MEP1B: variants seen among roughly 807,000 people sequenced by gnomAD.
The protein encoded by MEP1B is meprin A subunit beta.
In MEP1B, 80 loss-of-function variants were observed where a neutral mutation model predicts 84.6. The observed-to-expected ratio is 0.95, with a 90% CI of 0.79 to 1.14. The LOEUF (loss-of-function observed/expected upper bound fraction) is 1.14, where lower values mean the gene tolerates loss of function less well. Among genes scored for constraint, MEP1B ranks in the 50% most tolerant of loss-of-function variants. MEP1B has a pLI of 0.00. For synonymous variants in MEP1B, 273 were observed against 288.1 expected (o/e 0.95, Z 0.53); for missense variants, 766 against 855.1 (o/e 0.90, Z 1.30).
chr18:32,190,340 A>C (rs1210598336), intron 1 of MEP1B, among the ~76,000 whole-genome samples: 1 of 152,020 alleles, frequency 6.6e-6, no homozygotes, highest in African/African-American at 2.4e-5. Flanking sequence ...ATATAAAGTT[A>C]TGTTTTCCTT....
At position 32,212,981 on chromosome 18, in the gene MEP1B, G is replaced by A. The variant is rs529774746; in HGVS notation, c.1136-135G>A. ...TAAATAATTCTAGGCTGGAGCTTTG[G>A]CAAAACCATACTTCTGACCTGTAGA... On this transcript the variant is annotated intron_variant, in intron 10 of 14. Coordinates refer to ENST00000269202, the MANE Select transcript of MEP1B (RefSeq NM_005925.3). 886 of 777,838 alleles carry A rather than the reference G, an allele frequency of 1.1e-3. 2 individuals carry two copies. The highest frequency in any genetic ancestry group is 1.6e-3 in the Non-Finnish European group (806 of 493,484). 48.2% of individuals were successfully genotyped at this position (777,838 alleles called of 1,614,324 possible).
chr18:32,192,802 C>T lies in MEP1B; in HGVS notation c.156C>T (p.Asp52=), dbSNP rs1413953549. 1 of 1,612,536 alleles carries T rather than the reference C, an allele frequency of 6.2e-7. No individual in the cohort carries two copies. The highest frequency in any genetic ancestry group is 8.5e-7 in the Non-Finnish European group (1 of 1,179,164). ...TGGGACTGGATCTTTTTGAGGGTGA[C>T]ATCAGACTTGATAGGGTGAGTTGAA... The part of the protein sequence containing the change: ...EGLGLDLFEG[D]IRLDRAQIRN... The change falls in exon 4 of 15, where the codon GAC becomes GAT. Residue 52 remains aspartate, a synonymous_variant. Coordinates refer to ENST00000269202, the MANE Select transcript of MEP1B (RefSeq NM_005925.3).
chr18:32,201,682 C>T (rs8095388), intron 5 of MEP1B, among the ~76,000 whole-genome samples: 16,220 of 151,950 alleles, frequency 0.11, 1,258 homozygotes, highest in African/African-American at 0.22. Flanking sequence ...ATTGATTATT[C>T]CTGGATGATA....
At chr18:32,194,129 T>C (rs1052705782) in intron 4 of MEP1B, among the ~76,000 whole-genome samples, 1 of 152,100 alleles carries the variant, frequency 6.6e-6, no homozygotes, top group African/African-American at 2.4e-5. Flanking sequence ...CCTTTGCTTC[T>C]CCTCTCTCCT....
At chr18:32,208,304 C>T (rs2040987763) in intron 9 of MEP1B, 33 bp downstream of exon 9, 1 of 1,560,678 alleles carries the variant, frequency 6.4e-7, no homozygotes, top group Non-Finnish European at 8.7e-7. Flanking sequence ...AGACTGTATA[C>T]TCAGTGGCTA....
At chr18:32,202,697 G>A (rs1384449402) in intron 5 of MEP1B, among the ~76,000 whole-genome samples, 196 bp from the exon 6 acceptor site, 1 of 152,132 alleles carries the variant, frequency 6.6e-6, no homozygotes, top group Non-Finnish European at 1.5e-5. Flanking sequence ...CCAAATAAGG[G>A]ATCTGAAGAA....
At chr18:32,209,818 A>AAG (rs567700552) in intron 9 of MEP1B, among the ~76,000 whole-genome samples, 22 of 150,430 alleles carry the variant, frequency 1.5e-4, no homozygotes, top group South Asian at 2.1e-4. Flanking sequence ...TAAAAAAAAA[A>AAG]GGGGGGCGGG....
Position 32,207,232 on chromosome 18 carries a change from A to G in MEP1B, c.548-20A>G. ...TGAATTTTGTGAACATCAAGTAAAG[A>G]TTTTTTATTTATCCTTTAGGCAGAG... On this transcript the variant is annotated intron_variant, in intron 7 of 14. Coordinates refer to ENST00000269202, the MANE Select transcript of MEP1B (RefSeq NM_005925.3). The G allele has an allele frequency of 6.5e-7, 1 of 1,527,842 alleles. No homozygotes were observed. Among genetic ancestry groups the G allele is most frequent in the South Asian group, 1.2e-5 (1 of 86,868 alleles). 94.6% of individuals were successfully genotyped at this position (1,527,842 alleles called of 1,614,324 possible). A position where few individuals can be genotyped will look rare whatever the true frequency, so the allele number is the denominator to read the frequency against.
chr18:32,212,657 A>G lies in MEP1B; in HGVS notation c.1136-459A>G, dbSNP rs1233728030. Reference sequence around the variant, plus strand: ...TTGGTGGATTTTGTTTAATATTACCAAAAAGTTGATTGAAGACTTTGTATG... The same window carrying G: ...TTGGTGGATTTTGTTTAATATTACCGAAAAGTTGATTGAAGACTTTGTATG... On this transcript the variant is annotated intron_variant, in intron 10 of 14. Coordinates refer to ENST00000269202, the MANE Select transcript of MEP1B (RefSeq NM_005925.3). 2.6e-5 allele frequency among the ~76,000 whole-genome samples: 4 copies of G among 152,218 alleles called. No homozygotes were observed. The South Asian group carries it at 6.2e-4, about 24-fold the overall frequency.
chr18:32,199,452 A>C (rs2040886835), intron 5 of MEP1B, among the ~76,000 whole-genome samples: 1 of 152,138 alleles, frequency 6.6e-6, no homozygotes, highest in Non-Finnish European at 1.5e-5. Flanking sequence ...CATAGATAAA[A>C]AACTAACAGT....
intron 5 of MEP1B, among the ~76,000 whole-genome samples, chr18:32,198,325 T>A (rs1457513464): frequency 1.3e-5 from 2 of 152,208 alleles, no homozygotes; most frequent in Non-Finnish European, 1.5e-5. Flanking sequence ...CCATTAATGA[T>A]GTAGAGCTGC....
intron 4 of MEP1B, among the ~76,000 whole-genome samples, chr18:32,194,583 C>G (rs1398095019): frequency 2.0e-5 from 3 of 152,072 alleles, no homozygotes; most frequent in Non-Finnish European, 4.4e-5. Context: ...AACACATATT[C>G]AAAACATCCC....
chr18:32,202,838 T>C, intron 5 of MEP1B, 55 bp from the exon 6 acceptor site: 2 of 1,143,070 alleles, frequency 1.7e-6, no homozygotes, highest in Non-Finnish European at 2.6e-6. Context: ...CCATGGAAGA[T>C]TTTTCAGTGG....
rs1415778252 is a variant in MEP1B at position 32,218,837 on chromosome 18, G to A, written c.2091+872G>A. On this transcript the variant is annotated intron_variant, in intron 14 of 14. Transcript: ENST00000269202. ...ATTGGGCAAGGCAACGGCCTTTGGGGGAGGGCATTTCTTGCATAACAGCCT... is the reference window on the plus strand; with the variant it reads ...ATTGGGCAAGGCAACGGCCTTTGGGAGAGGGCATTTCTTGCATAACAGCCT... Among the ~76,000 whole-genome samples, 4 of 152,160 alleles carry A rather than the reference G, an allele frequency of 2.6e-5. No individual in the cohort carries two copies. In the East Asian group the frequency reaches 7.7e-4, roughly 29 times the overall value.
intron 4 of MEP1B, among the ~76,000 whole-genome samples, chr18:32,193,558 GTTA>G (rs1440093223): frequency 2.0e-5 from 3 of 152,136 alleles, no homozygotes; most frequent in African/African-American, 7.2e-5. Flanking sequence ...TTTAGAACAT[GTTA>G]TTATACTGGA....
intron 5 of MEP1B, among the ~76,000 whole-genome samples, chr18:32,198,424 G>T (rs16962812): frequency 0.11 from 16,236 of 152,252 alleles, 1,261 homozygotes; most frequent in African/African-American, 0.22. Context: ...GGAGGCATTT[G>T]TTTCTTTGTG....
chr18:32,195,813 T>A (rs1163394768), intron 5 of MEP1B, among the ~76,000 whole-genome samples: 1 of 152,072 alleles, frequency 6.6e-6, no homozygotes, highest in Admixed American at 6.6e-5. Flanking sequence ...GCATCATATA[T>A]TCATTGAACC....
At chr18:32,211,183 G>A (rs1278911871) in intron 10 of MEP1B, among the ~76,000 whole-genome samples, 2 of 152,072 alleles carry the variant, frequency 1.3e-5, no homozygotes, top group Admixed American at 6.5e-5. Context: ...CAGGAGAATT[G>A]CTTGAACCCG....
At position 32,217,909 on chromosome 18, in the gene MEP1B, A is replaced by C. The variant is rs1356236537; in HGVS notation, c.2035A>C (p.Arg679=). The part of the protein sequence containing the change: ...IITLVSVYCT[R]KKYRERMSSN... Reference sequence around the variant, plus strand: ...CACCCTTGTCAGTGTCTATTGCACCAGGAAGAAATATCGTGAAAGGATGAG... The same window carrying C: ...CACCCTTGTCAGTGTCTATTGCACCCGGAAGAAATATCGTGAAAGGATGAG... Residue 679 remains arginine (R), a synonymous_variant, in exon 14 of 15, where the codon AGG becomes CGG. Transcript: ENST00000269202. 6.2e-7 allele frequency: 1 copy of C among 1,613,890 alleles called. No individual in the cohort carries two copies. Among genetic ancestry groups the C allele is most frequent in the Non-Finnish European group, 8.5e-7 (1 of 1,179,894 alleles).
Sources: gnomAD v4.1 joint callset for allele counts (sites outside exome capture counted in the v4.1 genomes callset) on GRCh38, gnomAD v4.1.1 for gene constraint, MANE v1.5 for transcripts, NCBI Gene and HGNC (gene_info 2026-07-23, HGNC 2026-07-21) for gene names.